Variants in MED31 observed in about 807,000 individuals in gnomAD.
MED31 encodes the protein mediator complex subunit 31.
Under a neutral mutation model 22.0 loss-of-function variants are expected in MED31, and 11 were observed. The observed-to-expected ratio is 0.50, with a 90% confidence interval of 0.31 to 0.83. The LOEUF is 0.83. Ranked by LOEUF, MED31 falls within the 40% of genes least tolerant of loss-of-function variation. The pLI is 0.04. For missense variants in MED31, 122 were observed against 155.3 expected (o/e 0.79, Z 1.14); for synonymous variants, 60 against 55.1 (o/e 1.09, Z -0.40).
rs780339364 is a variant in MED31, at chr17:6,644,573, A to G, written c.290T>C (p.Ile97Thr). The change falls in exon 4 of 4, where the codon ATT becomes ACT. Residue 97 changes from isoleucine (I) to threonine (T), a missense_variant. Transcript: ENST00000225728. ...ELVNAQCAKFIDEQQILHWQH... is the reference protein window; with the variant it reads ...ELVNAQCAKFTDEQQILHWQH... ...CCAATGTAGAATCTGCTGTTCATCA[A>G]TAAATTTCGCACACTGAGCATTCAC... is the stretch of plus-strand genomic sequence containing the variant. 3.1e-6 allele frequency: 5 copies of G among 1,613,944 alleles called. No individual in the cohort carries two copies. Among genetic ancestry groups the G allele is most frequent in the Non-Finnish European group, 4.2e-6 (5 of 1,180,010 alleles).
At position 6,651,531 on chromosome 17, in the gene MED31, C is replaced by G; in HGVS notation, c.-3G>C. The G allele has an allele frequency of 2.5e-6, 4 of 1,614,126 alleles. No homozygotes were observed. The highest frequency in any genetic ancestry group is 3.4e-6 in the Non-Finnish European group (4 of 1,179,996). On this transcript the variant is annotated 5_prime_UTR_variant, in exon 1 of 4. Transcript: ENST00000225728. ...TCCATAGCGACAGCAGCGGCCATAACAAACGAAGACACCAAAACGCCACCA... is the reference window on the plus strand; with the variant it reads ...TCCATAGCGACAGCAGCGGCCATAAGAAACGAAGACACCAAAACGCCACCA...
chr17:6,649,069 T>C (rs903869230), intron 3 of MED31, among the ~76,000 whole-genome samples: 1 of 151,620 alleles, frequency 6.6e-6, no homozygotes, highest in Non-Finnish European at 1.5e-5. Flanking sequence ...CGTGAGTCAA[T>C]TGTTATTGGA....
At chr17:6,650,671 A>T (rs1972821301) in intron 1 of MED31, among the ~76,000 whole-genome samples, 1 of 152,232 alleles carries the variant, frequency 6.6e-6, no homozygotes, top group Non-Finnish European at 1.5e-5. Flanking sequence ...ACAGCAACAC[A>T]AACGGAGAAT....
intron 3 of MED31, among the ~76,000 whole-genome samples, chr17:6,647,670 T>C (rs775681695): frequency 4.6e-5 from 7 of 152,214 alleles, no homozygotes; most frequent in Non-Finnish European, 8.8e-5. Flanking sequence ...GTTGCTCTAA[T>C]TGTTGGCTGC....
chr17:6,651,378 T>G, intron 1 of MED31, 123 bp downstream of exon 1: 1 of 1,307,136 alleles, frequency 7.7e-7, no homozygotes, highest in Non-Finnish European at 1.1e-6. Flanking sequence ...ACAAGAGCCT[T>G]CTCTCCTCTC....
chr17:6,647,278 CT>C (rs1972779514), intron 3 of MED31, among the ~76,000 whole-genome samples: 1 of 152,218 alleles, frequency 6.6e-6, no homozygotes, highest in African/African-American at 2.4e-5. Flanking sequence ...TTTCTCTATA[CT>C]TTGTGTCTTA....
intron 3 of MED31, among the ~76,000 whole-genome samples, chr17:6,646,376 T>C (rs1377747500): frequency 3.9e-5 from 6 of 152,180 alleles, no homozygotes; most frequent in Admixed American, 6.5e-5. Flanking sequence ...CATTAACATA[T>C]AGGAAGTGTG....
chr17:6,651,490 G>C lies in MED31; in HGVS notation c.28+11C>G, dbSNP rs948420099. ...CATCTGCGAAGACTCCAAGATCAGA[G>C]AGCTACTCACCTGTCTCCATAGCGA... is the stretch of plus-strand genomic sequence containing the variant. On this transcript the variant is annotated intron_variant, in intron 1 of 3. Transcript: ENST00000225728. 2 of 1,614,150 alleles carry C rather than the reference G, an allele frequency of 1.2e-6. No individual in the cohort carries two copies. Among genetic ancestry groups the C allele is most frequent in the Non-Finnish European group, 1.7e-6 (2 of 1,180,008 alleles).
At chr17:6,650,126 A>G in intron 2 of MED31, 48 bp from the exon 3 acceptor site, 2 of 1,518,868 alleles carry the variant, frequency 1.3e-6, no homozygotes, top group Non-Finnish European at 1.8e-6. Context: ...CAATCCTTAA[A>G]CTGTGATTTG....
At chr17:6,651,370 A>G in intron 1 of MED31, 131 bp downstream of exon 1, 1 of 1,245,938 alleles carries the variant, frequency 8.0e-7, no homozygotes, top group South Asian at 1.4e-5. Context: ...TAGACGCTAC[A>G]AGAGCCTTCT....
chr17:6,647,405 T>A lies in MED31; in HGVS notation c.203+2577A>T, dbSNP rs184246682. On this transcript the variant is annotated intron_variant, in intron 3 of 3. Coordinates refer to ENST00000225728, the MANE Select transcript of MED31 (RefSeq NM_016060.3). ...CAAAGTTGCACAAGTGATATGCAAA[T>A]GACTAAAGTGTGGAAAATAGGATAC... Among the ~76,000 whole-genome samples, 7 of 152,328 alleles carry A rather than the reference T, an allele frequency of 4.6e-5. No individual in the cohort carries two copies. The East Asian group carries it at 1.3e-3, about 29-fold the overall frequency.
intron 1 of MED31, chr17:6,651,210 C>G (rs1456339513): frequency 3.2e-6 from 1 of 312,220 alleles, no homozygotes; most frequent in Non-Finnish European, 5.9e-6. Flanking sequence ...ATGTGAGAAG[C>G]AGAAAACCAA....
chr17:6,651,404 C>A (rs1972833691), intron 1 of MED31, 97 bp downstream of exon 1: 4 of 1,485,814 alleles, frequency 2.7e-6, no homozygotes, highest in South Asian at 1.2e-5. Context: ...AAATATTAAC[C>A]CTGCCAAGAG....
intron 2 of MED31, 104 bp downstream of exon 2, chr17:6,650,252 C>T (rs1259893652): frequency 7.6e-7 from 1 of 1,315,706 alleles, no homozygotes; most frequent in East Asian, 2.3e-5. Context: ...AGTGTAATGT[C>T]ATTCAACTGA....
At position 6,650,339 on chromosome 17, in the gene MED31, G is replaced by A. The variant is rs763103924; in HGVS notation, c.106+17C>T. ...CATTAATAGCTACTCAATTTAATGA[G>A]GTGCTTAACAACTTACAATTAAGGT... On this transcript the variant is annotated intron_variant, in intron 2 of 3. Transcript: ENST00000225728. 1.2e-6 allele frequency: 2 copies of A among 1,608,896 alleles called. No homozygotes were observed. The highest frequency in any genetic ancestry group is 2.7e-5 in the African/African-American group (2 of 74,754).
At chr17:6,647,120 G>A (rs1972776839) in intron 3 of MED31, among the ~76,000 whole-genome samples, 1 of 152,138 alleles carries the variant, frequency 6.6e-6, no homozygotes, top group Admixed American at 6.5e-5. Context: ...ACGTTTCCCT[G>A]CTGACCTTCT....
chr17:6,644,464 T>G lies in MED31; in HGVS notation c.*3A>C. ...ATTAAGTGCCTCGTTTGTATCCAGT[T>G]TTTCATTTTCCCGATGTGTTATTTT... On this transcript the variant is annotated 3_prime_UTR_variant, in exon 4 of 4. Coordinates refer to ENST00000225728, the MANE Select transcript of MED31 (RefSeq NM_016060.3). The G allele has an allele frequency of 6.3e-7, 1 of 1,589,598 alleles. No individual in the cohort carries two copies. Among genetic ancestry groups the G allele is most frequent in the Non-Finnish European group, 8.6e-7 (1 of 1,169,304 alleles).
At chr17:6,646,986 A>G (rs1287062676) in intron 3 of MED31, among the ~76,000 whole-genome samples, 1 of 152,260 alleles carries the variant, frequency 6.6e-6, no homozygotes, top group South Asian at 2.1e-4. Context: ...GCTGGCAGCA[A>G]TACTGCTTTG....
chr17:6,646,419 G>A (rs1001644748), intron 3 of MED31, among the ~76,000 whole-genome samples: 4 of 152,188 alleles, frequency 2.6e-5, no homozygotes, highest in South Asian at 2.1e-4. Flanking sequence ...CTGTGTCTAC[G>A]TAGAAAAGGA....
Sources: allele counts gnomAD v4.1 joint callset (sites outside exome capture counted in the v4.1 genomes callset), GRCh38; gene constraint gnomAD v4.1.1; transcripts MANE v1.5; gene names NCBI Gene and HGNC (gene_info 2026-07-23, HGNC 2026-07-21).